The following TG variants were observed in gnomAD, a reference collection of about 807,000 sequenced individuals.
TG encodes thyroglobulin, also known as thyroid hormones.
Under a neutral mutation model 324.7 loss-of-function variants are expected in TG, and 270 were observed. The observed-to-expected ratio is 0.83, with a 90% confidence interval of 0.75 to 0.92. The LOEUF is 0.92. Among genes scored for constraint, TG ranks in the 40% least tolerant of loss-of-function variants. The pLI is 0.00. For synonymous variants in TG, 1,401 were observed against 1,327.0 expected (o/e 1.06, Z -1.21); for missense variants, 3,591 against 3,456.4 (o/e 1.04, Z -0.98).
chr8:133,045,920 G>GC (rs1839296092), intron 41 of TG, among the ~76,000 whole-genome samples: 1 of 152,048 alleles, frequency 6.6e-6, no homozygotes, highest in East Asian at 1.9e-4. Flanking sequence ...TTGCAGTTAT[G>GC]CCCCCTTTTC....
At chr8:133,024,546 C>G (rs1434419671) in intron 40 of TG, among the ~76,000 whole-genome samples, 1 of 151,790 alleles carries the variant, frequency 6.6e-6, no homozygotes, top group East Asian at 1.9e-4. Flanking sequence ...TGTCCTAATG[C>G]TCTCCCTCCC....
At chr8:132,868,664 A>G (rs1190072496) in intron 2 of TG, among the ~76,000 whole-genome samples, 1 of 152,142 alleles carries the variant, frequency 6.6e-6, no homozygotes, top group East Asian at 1.9e-4. Context: ...CTTAGCTGCC[A>G]CCGACCCTGC....
chr8:132,887,779 T>C (rs1052690808), intron 9 of TG, among the ~76,000 whole-genome samples: 2 of 152,158 alleles, frequency 1.3e-5, no homozygotes, highest in African/African-American at 4.8e-5. Flanking sequence ...ATTTCTGCAG[T>C]GCTGATCACC....
chr8:132,897,892 C>T (rs1035493590), intron 12 of TG, 106 bp downstream of exon 12: 3 of 1,372,256 alleles, frequency 2.2e-6, no homozygotes, highest in Non-Finnish European at 3.1e-6. Context: ...TTAGGCTCCT[C>T]TTTAGCAGCT....
In TG at chr8:133,106,132, G is replaced by C. The variant is rs1424146087; in HGVS notation, c.7573-7290G>C. Among the ~76,000 whole-genome samples, 4 of 152,174 alleles carry C rather than the reference G, an allele frequency of 2.6e-5. No homozygotes were observed. In the South Asian group the frequency reaches 8.3e-4, roughly 32 times the overall value. ...ACTGAAGGTCTGAAAGAGCCAGTGGGGGGGTTTGCCCAGCGAGGGGCTCCA... is the reference window on the plus strand; with the variant it reads ...ACTGAAGGTCTGAAAGAGCCAGTGGCGGGGTTTGCCCAGCGAGGGGCTCCA... On this transcript the variant is annotated intron_variant, in intron 43 of 47. Transcript: ENST00000220616.
chr8:133,072,565 G>C (rs1029613588), intron 41 of TG, among the ~76,000 whole-genome samples: 1 of 152,190 alleles, frequency 6.6e-6, no homozygotes, highest in Non-Finnish European at 1.5e-5. Context: ...GTTTTGATGG[G>C]AACTTTAAGT....
rs201797101 is a variant in TG at position 132,933,542 on chromosome 8, C to T, written c.4817-19C>T. On this transcript the variant is annotated intron_variant, in intron 23 of 47. Coordinates refer to ENST00000220616, the MANE Select transcript of TG (RefSeq NM_003235.5). ...CCCCCGGGAAAGCCAGGTGAGTGAC[C>T]GTCCCATGGTGCTTGCAGATTGCAC... 160 of 1,610,914 alleles carry T rather than the reference C, an allele frequency of 9.9e-5. 1 individual carries two copies. The highest frequency in any genetic ancestry group is 3.8e-4 in the Admixed American group (23 of 59,954).
intron 19 of TG, among the ~76,000 whole-genome samples, chr8:132,912,017 G>A (rs573733725): frequency 9.8e-5 from 15 of 152,286 alleles, no homozygotes; most frequent in African/African-American, 3.4e-4. Context: ...TGAGCTTTCT[G>A]GTAGGATAGG....
At chr8:132,883,569 G>C (rs2132135350) in intron 8 of TG, among the ~76,000 whole-genome samples, 1 of 152,258 alleles carries the variant, frequency 6.6e-6, no homozygotes, top group Middle Eastern at 3.4e-3. Flanking sequence ...GTGGTGCTCC[G>C]GACTCTGAAG....
At chr8:133,100,080 T>C (rs1316771485) in intron 43 of TG, among the ~76,000 whole-genome samples, 1 of 152,250 alleles carries the variant, frequency 6.6e-6, no homozygotes, top group East Asian at 1.9e-4. Context: ...CTCTGTTAGC[T>C]CTCTGACCTT....
rs1334114276 is a variant in TG at position 133,131,792 on chromosome 8, C to T, written c.7863-20C>T. 12 of 1,614,026 alleles carry T rather than the reference C, an allele frequency of 7.4e-6. No homozygotes were observed. Among genetic ancestry groups the T allele is most frequent in the Non-Finnish European group, 1.0e-5 (12 of 1,179,972 alleles). ...ACTTTCTCTTGACCTTTTGCTGCTG[C>T]TTTTCCTCTGTTTTCTCAGCCTGGA... is the stretch of plus-strand genomic sequence containing the variant. On this transcript the variant is annotated intron_variant, in intron 45 of 47. Transcript: ENST00000220616.
chr8:132,944,136 G>A (rs866648221), intron 26 of TG, among the ~76,000 whole-genome samples: 3 of 152,170 alleles, frequency 2.0e-5, no homozygotes, highest in African/African-American at 7.2e-5. Flanking sequence ...CCACAGACCT[G>A]GGATCATGCT....
chr8:133,025,069 A>T (rs1191292030), intron 40 of TG, among the ~76,000 whole-genome samples: 1 of 152,138 alleles, frequency 6.6e-6, no homozygotes, highest in Non-Finnish European at 1.5e-5. Flanking sequence ...CAGACTTCCC[A>T]GTCTCTCACA....
chr8:132,970,706 G>C (rs1050627658), intron 32 of TG, among the ~76,000 whole-genome samples: 1 of 152,202 alleles, frequency 6.6e-6, no homozygotes, highest in Non-Finnish European at 1.5e-5. Flanking sequence ...CCAGGGATCA[G>C]CCTGACCGCG....
intron 34 of TG, among the ~76,000 whole-genome samples, chr8:132,974,284 G>A (rs1035040846): frequency 1.1e-4 from 17 of 152,090 alleles, no homozygotes; most frequent in Admixed American, 7.9e-4. Context: ...GTGAGCCACC[G>A]CACCCAGCCA....
At chr8:132,957,766 C>CACACACACACACAGACAG (rs1554680121) in intron 27 of TG, among the ~76,000 whole-genome samples, 23 of 145,582 alleles carry the variant, frequency 1.6e-4, no homozygotes, top group African/African-American at 4.6e-4. Flanking sequence ...CACACACACA[C>CACACACACACACAGACAG]ACACACACAC....
chr8:133,069,987 C>T (rs539580203), intron 41 of TG, among the ~76,000 whole-genome samples: 10 of 105,758 alleles, frequency 9.5e-5, no homozygotes, highest in African/African-American at 4.0e-4. Flanking sequence ...GGTGACAGAG[C>T]AAGGCTCCAG....
At chr8:132,915,548 G>A (rs910416895) in intron 20 of TG, among the ~76,000 whole-genome samples, 5 of 152,160 alleles carry the variant, frequency 3.3e-5, no homozygotes, top group Non-Finnish European at 7.3e-5. Flanking sequence ...GGGGCGTAGG[G>A]AAGAGACTGC....
intron 22 of TG, among the ~76,000 whole-genome samples, chr8:132,928,190 T>G (rs1822162430): frequency 6.6e-6 from 1 of 152,228 alleles, no homozygotes; most frequent in East Asian, 1.9e-4. Flanking sequence ...ATTTATTGAC[T>G]TGATGAAAAC....
Sources: gnomAD v4.1 joint callset for allele counts (sites outside exome capture counted in the v4.1 genomes callset) on GRCh38, gnomAD v4.1.1 for gene constraint, MANE v1.5 for transcripts, NCBI Gene and HGNC (gene_info 2026-07-23, HGNC 2026-07-21) for gene names.